The following GRIA2 variants were observed in gnomAD, a reference collection of about 807,000 sequenced individuals.
GRIA2 encodes the protein glutamate receptor 2.
In GRIA2, 14 loss-of-function variants were observed where a neutral mutation model predicts 97.3. The ratio of observed to expected loss-of-function variants is 0.14; its 90% confidence interval spans 0.10 to 0.23. The LOEUF (loss-of-function observed/expected upper bound fraction) is 0.23. Ranked by LOEUF, GRIA2 falls within the 10% of genes least tolerant of loss-of-function variation. GRIA2 has a pLI of 1.00. For synonymous variants in GRIA2, 412 were observed against 387.8 expected (o/e 1.06, Z -0.73); for missense variants, 558 against 1,069.8 (o/e 0.52, Z 6.67).
chr4:157,253,036 A>G (rs963682005), intron 2 of GRIA2, among the ~76,000 whole-genome samples: 1 of 152,104 alleles, frequency 6.6e-6, no homozygotes, highest in African/African-American at 2.4e-5. Flanking sequence ...TTTTCACAAA[A>G]TATGTTATTA....
intron 11 of GRIA2, 45 bp from the exon 12 acceptor site, chr4:157,341,219 G>T (rs532958020): frequency 7.9e-7 from 1 of 1,268,690 alleles, no homozygotes; most frequent in Admixed American, 1.7e-5. Flanking sequence ...TTTTTTATTA[G>T]GTCATTCATT....
intron 12 of GRIA2, among the ~76,000 whole-genome samples, chr4:157,348,274 C>T (rs1735850618): frequency 6.6e-6 from 1 of 152,128 alleles, no homozygotes; most frequent in African/African-American, 2.4e-5. Flanking sequence ...TTTCTTCAAA[C>T]AGGGCCTCAC....
At chr4:157,270,132 T>A (rs1731951434) in intron 2 of GRIA2, among the ~76,000 whole-genome samples, 1 of 152,144 alleles carries the variant, frequency 6.6e-6, no homozygotes, top group South Asian at 2.1e-4. Flanking sequence ...TTGTATAACT[T>A]TTAATTTCAT....
chr4:157,255,841 C>A (rs913115536), intron 2 of GRIA2, among the ~76,000 whole-genome samples: 1 of 151,426 alleles, frequency 6.6e-6, no homozygotes, highest in Non-Finnish European at 1.5e-5. Flanking sequence ...AAAAAGTGGA[C>A]AAAGGATATG....
intron 2 of GRIA2, among the ~76,000 whole-genome samples, chr4:157,233,376 C>T (rs1730108889): frequency 6.6e-6 from 1 of 152,096 alleles, no homozygotes. Flanking sequence ...ATTTCAAGCA[C>T]ATATTTAAGA....
intron 2 of GRIA2, among the ~76,000 whole-genome samples, chr4:157,231,877 A>G (rs183981357): frequency 1.3e-5 from 2 of 152,302 alleles, no homozygotes; most frequent in East Asian, 3.9e-4. Context: ...AACATTTTGG[A>G]TTTAAATTAT....
intron 2 of GRIA2, among the ~76,000 whole-genome samples, chr4:157,232,455 A>C (rs1054981913): frequency 6.6e-6 from 1 of 152,150 alleles, no homozygotes; most frequent in Non-Finnish European, 1.5e-5. Flanking sequence ...TCTTGCTTTT[A>C]ATCTGTGCAT....
intron 5 of GRIA2, among the ~76,000 whole-genome samples, chr4:157,319,460 G>C (rs1734465248): frequency 6.6e-6 from 1 of 152,154 alleles, no homozygotes. Context: ...CTTCTTGAGA[G>C]AAAATCTACC....
chr4:157,302,826 T>A (rs1208086192), intron 2 of GRIA2, among the ~76,000 whole-genome samples: 2 of 152,074 alleles, frequency 1.3e-5, no homozygotes, highest in Admixed American at 1.3e-4. Flanking sequence ...TCACTGGAAA[T>A]AGAAATATTG....
chr4:157,283,542 T>G (rs943346645), intron 2 of GRIA2, among the ~76,000 whole-genome samples: 1 of 152,000 alleles, frequency 6.6e-6, no homozygotes, highest in Non-Finnish European at 1.5e-5. Flanking sequence ...AACAATTTCT[T>G]CAGTGCAAAA....
chr4:157,269,764 T>G (rs1162215604), intron 2 of GRIA2, among the ~76,000 whole-genome samples: 1 of 152,150 alleles, frequency 6.6e-6, no homozygotes, highest in Non-Finnish European at 1.5e-5. Context: ...TTAACTATTT[T>G]GAAATATAAA....
rs983257525 is a variant in GRIA2 at position 157,256,509 on chromosome 4, G to A, written c.229+34702G>A. Reference sequence around the variant, plus strand: ...ATTTTTCTAGTGAAATTAAAATAATGCAACAGCTCAAAACAACTTAAATCA... The same window carrying A: ...ATTTTTCTAGTGAAATTAAAATAATACAACAGCTCAAAACAACTTAAATCA... On this transcript the variant is annotated intron_variant, in intron 2 of 15. Coordinates refer to ENST00000264426, the MANE Select transcript of GRIA2 (RefSeq NM_001083619.3). 2.0e-5 allele frequency among the ~76,000 whole-genome samples: 3 copies of A among 150,994 alleles called. No individual in the cohort carries two copies. The Admixed American group carries it at 2.0e-4, about 10-fold the overall frequency.
chr4:157,362,870 G>A lies in GRIA2; in HGVS notation c.2478G>A (p.Leu826=). The A allele has an allele frequency of 1.2e-6, 2 of 1,613,504 alleles. No homozygotes were observed. The highest frequency in any genetic ancestry group is 2.2e-5 in the South Asian group (2 of 91,062). The change falls in exon 15 of 16, where the codon TTG becomes TTA. Residue 826 remains leucine (L), a synonymous_variant. Transcript: ENST00000264426. The stretch of plus-strand genomic sequence containing the variant: ...ACATCCTTGTCGGGGGCCTTGGTTT[G>A]GCAATGCTGGTGGCTTTGATTGAGT... The part of the protein sequence containing the change: ...VFYILVGGLG[L]AMLVALIEFC...
rs79434311 is a variant in GRIA2 at position 157,358,474 on chromosome 4, G to A, written c.2044-1422G>A. On this transcript the variant is annotated intron_variant, in intron 12 of 15. Coordinates refer to ENST00000264426, the MANE Select transcript of GRIA2 (RefSeq NM_001083619.3). The stretch of plus-strand genomic sequence containing the variant: ...CTAAAATCTGAAGCGGCATTGTTTG[G>A]TAATAGATTTAACAGTGGTTTACTT... 6.0e-3 allele frequency among the ~76,000 whole-genome samples: 916 copies of A among 152,238 alleles called. 6 individuals carry two copies. The highest frequency in any genetic ancestry group is 0.024 in the Middle Eastern group (7 of 294).
At chr4:157,271,468 CACTT>C (rs1732020869) in intron 2 of GRIA2, among the ~76,000 whole-genome samples, 1 of 152,182 alleles carries the variant, frequency 6.6e-6, no homozygotes, top group African/African-American at 2.4e-5. Flanking sequence ...CTCAGGGAAA[CACTT>C]ACATTTACAG....
At chr4:157,235,156 C>T (rs1730187500) in intron 2 of GRIA2, among the ~76,000 whole-genome samples, 1 of 152,108 alleles carries the variant, frequency 6.6e-6, no homozygotes, top group African/African-American at 2.4e-5. Flanking sequence ...GTAGAATACA[C>T]TGGATAAAAG....
rs569009698 is a variant in GRIA2 at position 157,345,286 on chromosome 4, T to C, written c.2043+3824T>C. The stretch of plus-strand genomic sequence containing the variant: ...GAAAGAGAGAGTAAATGGAGAACAA[T>C]CTTGTAACCACCAAGAGATGTGAGG... On this transcript the variant is annotated intron_variant, in intron 12 of 15. Transcript: ENST00000264426. Among the ~76,000 whole-genome samples the C allele has an allele frequency of 3.3e-5, 5 of 152,160 alleles. No homozygotes were observed. The East Asian group carries it at 9.7e-4, about 29-fold the overall frequency.
intron 2 of GRIA2, among the ~76,000 whole-genome samples, chr4:157,287,782 C>G (rs1357197022): frequency 1.3e-5 from 2 of 151,448 alleles, no homozygotes; most frequent in Admixed American, 1.3e-4. Flanking sequence ...TAGGGAGTAT[C>G]CAAAGTCTTT....
At chr4:157,268,987 C>T (rs1279845209) in intron 2 of GRIA2, among the ~76,000 whole-genome samples, 1 of 152,048 alleles carries the variant, frequency 6.6e-6, no homozygotes, top group Non-Finnish European at 1.5e-5. Context: ...CATGTACATG[C>T]ATAAACACAC....
Sources: allele counts gnomAD v4.1 joint callset (sites outside exome capture counted in the v4.1 genomes callset), GRCh38; gene constraint gnomAD v4.1.1; transcripts MANE v1.5; gene names NCBI Gene and HGNC (gene_info 2026-07-23, HGNC 2026-07-21).